The following CLSTN2 variants were observed in gnomAD, a reference collection of about 807,000 sequenced individuals.
CLSTN2 encodes calsyntenin-2.
In CLSTN2, 48 loss-of-function variants were observed where a neutral mutation model predicts 101.2. The observed-to-expected ratio is 0.47, with a 90% CI of 0.38 to 0.60. The LOEUF (loss-of-function observed/expected upper bound fraction) is 0.60. CLSTN2 is among the 20% of genes least tolerant of loss of function. The pLI, the probability that CLSTN2 is intolerant of heterozygous loss-of-function variation, is 0.00. For synonymous variants in CLSTN2, 481 were observed against 463.6 expected, an observed-to-expected ratio of 1.04 and a Z score of -0.48; for missense variants, 1,160 against 1,238.2, an observed-to-expected ratio of 0.94 and a Z score of 0.95.
chr3:139,994,237 C>G (rs1404816619), intron 1 of CLSTN2, among the ~76,000 whole-genome samples: 2 of 152,230 alleles, frequency 1.3e-5, no homozygotes, highest in Non-Finnish European at 2.9e-5. Context: ...CCTGCACTTT[C>G]TGCAGGCAAG....
At chr3:140,104,145 A>T (rs1451224742) in intron 1 of CLSTN2, among the ~76,000 whole-genome samples, 1 of 152,214 alleles carries the variant, frequency 6.6e-6, no homozygotes. Flanking sequence ...GTTAGTGAGG[A>T]TATCTTTCCT....
intron 2 of CLSTN2, among the ~76,000 whole-genome samples, chr3:140,184,845 A>G (rs1470057212): frequency 6.6e-6 from 1 of 152,118 alleles, no homozygotes; most frequent in East Asian, 1.9e-4. Flanking sequence ...TCAGAACTGG[A>G]TGCAGCTCCT....
chr3:140,257,537 A>G (rs1281035428), intron 2 of CLSTN2, among the ~76,000 whole-genome samples: 2 of 149,340 alleles, frequency 1.3e-5, no homozygotes, highest in East Asian at 3.9e-4. Flanking sequence ...CACTGTTAGT[A>G]TTCCCTGCCT....
At chr3:140,416,297 G>T (rs768004229) in intron 4 of CLSTN2, among the ~76,000 whole-genome samples, 1 of 152,084 alleles carries the variant, frequency 6.6e-6, no homozygotes, top group Non-Finnish European at 1.5e-5. Flanking sequence ...GTACAGCAGG[G>T]TGACTATAGC....
rs59111479 is a variant in CLSTN2, at chr3:140,340,629, A to G, written c.233-63000A>G. 2.9e-3 allele frequency among the ~76,000 whole-genome samples: 445 copies of G among 152,332 alleles called. 3 individuals carry two copies. The highest frequency in any genetic ancestry group is 9.8e-3 in the African/African-American group (409 of 41,570). On this transcript the variant is annotated intron_variant, in intron 2 of 16. Coordinates refer to ENST00000458420, the MANE Select transcript of CLSTN2 (RefSeq NM_022131.3). ...AACCCTACTCCCAGTGTACCCTATT[A>G]TTAACATCTTATACTGATGTGGTAC...
intron 2 of CLSTN2, among the ~76,000 whole-genome samples, chr3:140,350,414 A>G (rs889531975): frequency 6.6e-6 from 1 of 152,218 alleles, no homozygotes; most frequent in Non-Finnish European, 1.5e-5. Flanking sequence ...TAAAAGTCAA[A>G]GAGTGAGGAA....
chr3:140,191,064 C>T (rs1371430389), intron 2 of CLSTN2, among the ~76,000 whole-genome samples: 1 of 151,908 alleles, frequency 6.6e-6, no homozygotes, highest in Non-Finnish European at 1.5e-5. Flanking sequence ...TTTGTAAATG[C>T]CTTTTTCAAG....
intron 1 of CLSTN2, among the ~76,000 whole-genome samples, chr3:139,997,737 ATTTCAAATATACAT>A (rs1308122546): frequency 1.3e-5 from 2 of 152,222 alleles, no homozygotes; most frequent in Non-Finnish European, 2.9e-5. Flanking sequence ...TCAAATATAC[ATTTCAAATATACAT>A]TTTCAAATAT....
At chr3:140,177,636 A>G (rs2010345435) in intron 2 of CLSTN2, among the ~76,000 whole-genome samples, 1 of 152,008 alleles carries the variant, frequency 6.6e-6, no homozygotes, top group South Asian at 2.1e-4. Context: ...CAAAATAATA[A>G]TAATAATAAT....
chr3:140,400,811 C>T (rs1252776382), intron 2 of CLSTN2, among the ~76,000 whole-genome samples: 3 of 152,192 alleles, frequency 2.0e-5, no homozygotes, highest in Non-Finnish European at 4.4e-5. Context: ...CTAGCTCTGC[C>T]CCACGGCCTC....
At chr3:140,358,305 C>G (rs1261285903) in intron 2 of CLSTN2, among the ~76,000 whole-genome samples, 1 of 152,150 alleles carries the variant, frequency 6.6e-6, no homozygotes, top group Non-Finnish European at 1.5e-5. Context: ...GGGTCAGCAG[C>G]TTCACAGGGC....
chr3:140,024,173 C>A (rs909716250), intron 1 of CLSTN2, among the ~76,000 whole-genome samples: 2 of 152,182 alleles, frequency 1.3e-5, no homozygotes, highest in African/African-American at 2.4e-5. Flanking sequence ...TATGTAAAGA[C>A]CTTACCACAC....
chr3:140,553,524 G>C (rs1197426348), intron 10 of CLSTN2, among the ~76,000 whole-genome samples: 1 of 152,110 alleles, frequency 6.6e-6, no homozygotes, highest in Non-Finnish European at 1.5e-5. Flanking sequence ...TCAGGCCTGG[G>C]AAGTGCTAAA....
chr3:140,560,531 G>C (rs1935890091), intron 12 of CLSTN2, among the ~76,000 whole-genome samples: 1 of 152,032 alleles, frequency 6.6e-6, no homozygotes, highest in South Asian at 2.1e-4. Context: ...GCTTCCCTCA[G>C]CACACATTTT....
intron 2 of CLSTN2, among the ~76,000 whole-genome samples, chr3:140,255,050 T>C (rs1049293297): frequency 2.0e-5 from 3 of 152,140 alleles, no homozygotes; most frequent in African/African-American, 7.2e-5. Flanking sequence ...ACATGAAAAT[T>C]GCTTCATATC....
chr3:140,068,738 C>A (rs1476170819), intron 1 of CLSTN2, among the ~76,000 whole-genome samples: 1 of 152,128 alleles, frequency 6.6e-6, no homozygotes, highest in African/African-American at 2.4e-5. Flanking sequence ...ATAAGAAGAC[C>A]AATTTCTGCT....
chr3:140,470,918 G>T (rs538803033), intron 8 of CLSTN2, among the ~76,000 whole-genome samples: 1 of 152,160 alleles, frequency 6.6e-6, no homozygotes, highest in African/African-American at 2.4e-5. Flanking sequence ...CCCTTCAGGA[G>T]TGCTGCTGAG....
intron 2 of CLSTN2, among the ~76,000 whole-genome samples, chr3:140,282,768 C>A (rs953241566): frequency 2.0e-5 from 3 of 152,126 alleles, no homozygotes; most frequent in Non-Finnish European, 4.4e-5. Context: ...AGTTTTGAAG[C>A]TAGGTCTCAA....
At chr3:140,105,211 T>C (rs1051525273) in intron 1 of CLSTN2, among the ~76,000 whole-genome samples, 4 of 152,238 alleles carry the variant, frequency 2.6e-5, no homozygotes, top group African/African-American at 7.2e-5. Context: ...AGTCTGACTT[T>C]AGCTGCTTTA....
Sources: gnomAD v4.1 joint callset for allele counts (sites outside exome capture counted in the v4.1 genomes callset) on GRCh38, gnomAD v4.1.1 for gene constraint, MANE v1.5 for transcripts, NCBI Gene and HGNC (gene_info 2026-07-23, HGNC 2026-07-21) for gene names.